CTNND2: variants seen among roughly 807,000 people sequenced by gnomAD.
CTNND2 encodes catenin delta-2.
CTNND2 carries 22 observed loss-of-function variants against 144.4 expected under a neutral mutation model. The observed-to-expected ratio is 0.15, with a 90% confidence interval of 0.11 to 0.22. The LOEUF (loss-of-function observed/expected upper bound fraction) is 0.22, where lower values mean the gene tolerates loss of function less well. Ranked by LOEUF, CTNND2 falls within the 10% of genes least tolerant of loss-of-function variation. The pLI is 1.00. For missense variants in CTNND2, 1,353 were observed against 1,618.8 expected, an observed-to-expected ratio of 0.84 and a Z score of 2.82; for synonymous variants, 751 against 695.6, an observed-to-expected ratio of 1.08 and a Z score of -1.25.
At chr5:10,984,335 C>A (rs1737668502) in intron 20 of CTNND2, among the ~76,000 whole-genome samples, 1 of 152,172 alleles carries the variant, frequency 6.6e-6, no homozygotes, top group Non-Finnish European at 1.5e-5. Context: ...GATAGATCTG[C>A]CTTCAGAGCT....
At chr5:11,522,609 C>A (rs1258574626) in intron 3 of CTNND2, among the ~76,000 whole-genome samples, 7 of 152,146 alleles carry the variant, frequency 4.6e-5, no homozygotes, top group Non-Finnish European at 8.8e-5. Context: ...CTTCTCCATG[C>A]GAATGAGACC....
chr5:11,237,186 A>G (rs1003390312), intron 9 of CTNND2, among the ~76,000 whole-genome samples: 3 of 151,706 alleles, frequency 2.0e-5, no homozygotes, highest in African/African-American at 7.3e-5. Flanking sequence ...CGCCTGGCCA[A>G]TTTTTTGTAT....
chr5:11,576,896 T>TGAA (rs1561578835), intron 2 of CTNND2, among the ~76,000 whole-genome samples: 1 of 152,090 alleles, frequency 6.6e-6, no homozygotes, highest in East Asian at 1.9e-4. Context: ...GAATTCCCAG[T>TGAA]GAGTTACCTA....
At chr5:11,778,060 G>A (rs1032372398) in intron 1 of CTNND2, among the ~76,000 whole-genome samples, 1 of 152,014 alleles carries the variant, frequency 6.6e-6, no homozygotes, top group Admixed American at 6.6e-5. Context: ...AAAATTTCCA[G>A]ATCTCAGGTT....
intron 12 of CTNND2, among the ~76,000 whole-genome samples, chr5:11,125,037 C>A (rs963512957): frequency 1.3e-5 from 2 of 152,186 alleles, no homozygotes; most frequent in African/African-American, 4.8e-5. Flanking sequence ...TCCCACAAGG[C>A]CTTGGGAAAC....
At chr5:11,630,815 G>A (rs552800204) in intron 2 of CTNND2, among the ~76,000 whole-genome samples, 6 of 152,106 alleles carry the variant, frequency 3.9e-5, no homozygotes, top group Middle Eastern at 3.4e-3. Flanking sequence ...TTAGCCAGGC[G>A]TGGTGGTGGG....
At chr5:11,796,478 C>G (rs1791408404) in intron 1 of CTNND2, among the ~76,000 whole-genome samples, 1 of 152,170 alleles carries the variant, frequency 6.6e-6, no homozygotes, top group Non-Finnish European at 1.5e-5. Context: ...TTAGCATAAT[C>G]CTATCAAGAA....
chr5:11,400,592 A>G (rs1760554898), intron 5 of CTNND2, among the ~76,000 whole-genome samples: 1 of 135,972 alleles, frequency 7.4e-6, no homozygotes, highest in Non-Finnish European at 1.5e-5. Flanking sequence ...TTTGTTCTGA[A>G]ACAAAACCTA....
rs1367114440 is a variant in CTNND2, at chr5:11,470,969, TATATATATATA to T, written c.288-58911_288-58901del. 2.3e-3 allele frequency among the ~76,000 whole-genome samples: 217 copies of T among 95,182 alleles called. 2 individuals carry two copies. Among genetic ancestry groups the T allele is most frequent in the African/African-American group, 0.011 (214 of 18,734 alleles). 62.4% of individuals were successfully genotyped at this position (95,182 alleles called of 152,430 possible). A position where few individuals can be genotyped will look rare whatever the true frequency, so the allele number is the denominator to read the frequency against. ...TTGATACAAAGTATATATATATATA[TATATATATATA>T]TTTTTTTTTTTTTTTTAGATGGAGT... is the stretch of plus-strand genomic sequence containing the variant. On this transcript the variant is annotated intron_variant, in intron 3 of 21. Transcript: ENST00000304623.
intron 16 of CTNND2, among the ~76,000 whole-genome samples, chr5:11,058,073 A>C (rs1180743559): frequency 6.6e-6 from 1 of 152,228 alleles, no homozygotes; most frequent in Admixed American, 6.5e-5. Flanking sequence ...AGCAGAGCAT[A>C]AAAGTTTGGA....
intron 7 of CTNND2, among the ~76,000 whole-genome samples, chr5:11,365,143 A>G (rs1756848410): frequency 6.6e-6 from 1 of 152,230 alleles, no homozygotes; most frequent in Non-Finnish European, 1.5e-5. Flanking sequence ...ATGGAACAAG[A>G]CCAGTGAAAT....
intron 3 of CTNND2, among the ~76,000 whole-genome samples, chr5:11,494,390 C>CA (rs35448740): frequency 2.0e-5 from 3 of 151,306 alleles, no homozygotes; most frequent in Non-Finnish European, 4.4e-5. Flanking sequence ...CGTCTGTTTA[C>CA]AAAAAAAGAG....
At chr5:11,743,766 T>A (rs1377902654) in intron 1 of CTNND2, among the ~76,000 whole-genome samples, 2 of 152,038 alleles carry the variant, frequency 1.3e-5, no homozygotes, top group Non-Finnish European at 2.9e-5. Flanking sequence ...GATCTCAGTG[T>A]GGAGCTCATG....
intron 9 of CTNND2, among the ~76,000 whole-genome samples, chr5:11,310,742 T>C (rs915480883): frequency 6.6e-5 from 10 of 151,330 alleles, no homozygotes; most frequent in Non-Finnish European, 8.9e-5. Flanking sequence ...CCTCACACAC[T>C]CCCCAAGCAC....
intron 3 of CTNND2, among the ~76,000 whole-genome samples, chr5:11,441,512 G>A (rs746092113): frequency 5.3e-5 from 8 of 150,762 alleles, no homozygotes; most frequent in Non-Finnish European, 1.0e-4. Flanking sequence ...CTGAGTAGCT[G>A]GGATTACAGG....
At chr5:11,640,606 G>A (rs551159724) in intron 2 of CTNND2, among the ~76,000 whole-genome samples, 13 of 152,294 alleles carry the variant, frequency 8.5e-5, no homozygotes, top group East Asian at 1.9e-4. Flanking sequence ...AAACCTGCAC[G>A]TGCCCTATGC....
chr5:11,521,841 G>A (rs1772751471), intron 3 of CTNND2, among the ~76,000 whole-genome samples: 1 of 152,162 alleles, frequency 6.6e-6, no homozygotes, highest in East Asian at 1.9e-4. Context: ...ATAACATAGA[G>A]AGCTTTGCAT....
chr5:11,100,466 C>T (rs1191735691), intron 14 of CTNND2, among the ~76,000 whole-genome samples: 2 of 152,204 alleles, frequency 1.3e-5, no homozygotes, highest in African/African-American at 2.4e-5. Context: ...AGCCCCGTCA[C>T]ATTGCTCCTA....
At chr5:11,249,065 A>G (rs1404442340) in intron 9 of CTNND2, among the ~76,000 whole-genome samples, 1 of 152,234 alleles carries the variant, frequency 6.6e-6, no homozygotes. Flanking sequence ...AGTACCAAAC[A>G]CTGGTTCCTG....
Sources: allele counts gnomAD v4.1 joint callset (sites outside exome capture counted in the v4.1 genomes callset), GRCh38; gene constraint gnomAD v4.1.1; transcripts MANE v1.5; gene names NCBI Gene and HGNC (gene_info 2026-07-23, HGNC 2026-07-21).